CDYL: variants seen among roughly 807,000 people sequenced by gnomAD.
CDYL encodes chromodomain Y-like protein.
A neutral mutation model predicts 47.3 loss-of-function variants in CDYL; 8 were observed. The observed-to-expected ratio is 0.17, with a 90% confidence interval of 0.10 to 0.31. The LOEUF (loss-of-function observed/expected upper bound fraction) is 0.31. CDYL is among the 10% of genes least tolerant of loss of function. The pLI, the probability that CDYL is intolerant of heterozygous loss-of-function variation, is 1.00. For missense variants in CDYL, 471 were observed against 701.4 expected (o/e 0.67, Z 3.71); for synonymous variants, 266 against 265.0 (o/e 1.00, Z -0.04).
chr6:4,894,567 G>T (rs533248181), intron 2 of CDYL, among the ~76,000 whole-genome samples: 5 of 152,256 alleles, frequency 3.3e-5, no homozygotes, highest in African/African-American at 1.2e-4. Flanking sequence ...CCATTACTAT[G>T]AATGAATGGA....
intron 1 of CDYL, among the ~76,000 whole-genome samples, chr6:4,843,590 T>A (rs1317126024): frequency 6.6e-6 from 1 of 151,888 alleles, no homozygotes; most frequent in Non-Finnish European, 1.5e-5. Flanking sequence ...TCTGAAGTTC[T>A]TTATTCTACT....
At chr6:4,820,947 T>A (rs1337424669) in intron 1 of CDYL, among the ~76,000 whole-genome samples, 1 of 152,222 alleles carries the variant, frequency 6.6e-6, no homozygotes, top group Non-Finnish European at 1.5e-5. Flanking sequence ...CAACCAGAAT[T>A]GTCTTACATC....
At chr6:4,898,941 C>T (rs1284008042) in intron 2 of CDYL, among the ~76,000 whole-genome samples, 2 of 152,198 alleles carry the variant, frequency 1.3e-5, no homozygotes, top group Non-Finnish European at 2.9e-5. Context: ...GCTTGGAGCC[C>T]TCTCTTGTGT....
At chr6:4,791,161 A>G (rs1382381248) in intron 1 of CDYL, among the ~76,000 whole-genome samples, 2 of 152,210 alleles carry the variant, frequency 1.3e-5, no homozygotes, top group Non-Finnish European at 2.9e-5. Flanking sequence ...TGACATTCCT[A>G]AGAATCAAGA....
intron 1 of CDYL, among the ~76,000 whole-genome samples, chr6:4,795,646 G>C (rs899779915): frequency 2.0e-5 from 3 of 150,926 alleles, no homozygotes; most frequent in African/African-American, 7.3e-5. Context: ...ATCTATACTG[G>C]CTCTGTGATT....
At chr6:4,909,957 C>A (rs1232873599) in intron 2 of CDYL, among the ~76,000 whole-genome samples, 1 of 152,078 alleles carries the variant, frequency 6.6e-6, no homozygotes, top group Admixed American at 6.5e-5. Flanking sequence ...TGCTAGGCTC[C>A]CTCCACTTTC....
At chr6:4,949,948 C>T (rs575128446) in intron 5 of CDYL, among the ~76,000 whole-genome samples, 47 of 152,168 alleles carry the variant, frequency 3.1e-4, no homozygotes, top group Non-Finnish European at 5.7e-4. Context: ...TCCTGCACAT[C>T]CAACCACCTG....
chr6:4,939,599 T>C (rs772660877), intron 4 of CDYL, among the ~76,000 whole-genome samples: 14 of 152,230 alleles, frequency 9.2e-5, no homozygotes, highest in Admixed American at 2.6e-4. Flanking sequence ...TCTGATCTTA[T>C]TAAGTATTGT....
intron 2 of CDYL, among the ~76,000 whole-genome samples, chr6:4,726,448 C>T (rs528019398): frequency 6.6e-6 from 1 of 150,796 alleles, no homozygotes; most frequent in South Asian, 2.1e-4. Context: ...AGGAGAATTG[C>T]TTGAACCTGG....
intron 2 of CDYL, among the ~76,000 whole-genome samples, chr6:4,910,126 C>T (rs751195826): frequency 3.9e-5 from 6 of 152,012 alleles, no homozygotes; most frequent in Non-Finnish European, 5.9e-5. Flanking sequence ...TTTCCCCCTC[C>T]ATCTAAAACA....
intron 3 of CDYL, among the ~76,000 whole-genome samples, chr6:4,746,344 A>G (rs1253908026): frequency 6.8e-6 from 1 of 147,678 alleles, no homozygotes; most frequent in Non-Finnish European, 1.5e-5. Flanking sequence ...AGCCTGGGTG[A>G]CAGAGCAGAC....
chr6:4,914,950 G>A (rs1757514394), intron 2 of CDYL, among the ~76,000 whole-genome samples: 1 of 152,230 alleles, frequency 6.6e-6, no homozygotes, highest in African/African-American at 2.4e-5. Context: ...GCTGGCTTCT[G>A]AGCCTAGGAG....
intron 3 of CDYL, among the ~76,000 whole-genome samples, chr6:4,752,157 G>A (rs531669676): frequency 2.0e-5 from 3 of 152,112 alleles, no homozygotes; most frequent in Non-Finnish European, 4.4e-5. Context: ...GTTAATATTC[G>A]CAGCATATCC....
intron 2 of CDYL, among the ~76,000 whole-genome samples, chr6:4,920,901 C>A (rs1230887561): frequency 1.5e-4 from 23 of 152,190 alleles, no homozygotes; most frequent in Admixed American, 1.5e-3. Flanking sequence ...GAGGCGTCAG[C>A]CACTGCACCC....
chr6:4,819,160 CTCTG>C (rs1348380271), intron 1 of CDYL, among the ~76,000 whole-genome samples: 178 of 124,074 alleles, frequency 1.4e-3, no homozygotes, highest in Middle Eastern at 7.3e-3. Context: ...CTCTCTCTCT[CTCTG>C]TGTGTGTGTG....
chr6:4,767,837 A>T (rs1440549895), intron 3 of CDYL, among the ~76,000 whole-genome samples: 1 of 152,222 alleles, frequency 6.6e-6, no homozygotes, highest in Non-Finnish European at 1.5e-5. Context: ...AAGCAGGTCC[A>T]CCAAAACTTT....
At chr6:4,918,399 G>A (rs763097271) in intron 2 of CDYL, among the ~76,000 whole-genome samples, 4 of 151,758 alleles carry the variant, frequency 2.6e-5, no homozygotes, top group Non-Finnish European at 5.9e-5. Flanking sequence ...GCACTTTGAG[G>A]TGACATTATA....
intron 4 of CDYL, among the ~76,000 whole-genome samples, chr6:4,943,160 G>C (rs1050962830): frequency 6.6e-6 from 1 of 152,158 alleles, no homozygotes; most frequent in Non-Finnish European, 1.5e-5. Flanking sequence ...ACAGCTTCTT[G>C]ATTTGTCTTG....
At chr6:4,815,590 A>T (rs1759649217) in intron 1 of CDYL, among the ~76,000 whole-genome samples, 5 of 151,978 alleles carry the variant, frequency 3.3e-5, no homozygotes, top group African/African-American at 1.2e-4. Flanking sequence ...CATGTGTATC[A>T]ATACTGGTTA....
Sources: gnomAD v4.1 joint callset for allele counts (sites outside exome capture counted in the v4.1 genomes callset) on GRCh38, gnomAD v4.1.1 for gene constraint, MANE v1.5 for transcripts, NCBI Gene and HGNC (gene_info 2026-07-23, HGNC 2026-07-21) for gene names.